GAB3: variants seen among roughly 807,000 people sequenced by gnomAD.
The protein encoded by GAB3 is GRB2-associated-binding protein 3.
In GAB3, 12 loss-of-function variants were observed where a neutral mutation model predicts 40.4. That is an observed-to-expected ratio of 0.30 (90% CI 0.19 to 0.48). The LOEUF is 0.48. Ranked by LOEUF, GAB3 falls within the 20% of genes least tolerant of loss-of-function variation. The probability of loss-of-function intolerance (pLI) is 0.99; values close to 1 mark genes in which losing one functional copy is unlikely to be tolerated. For synonymous variants in GAB3, 154 were observed against 176.7 expected (o/e 0.87, Z 1.02); for missense variants, 381 against 461.9 (o/e 0.82, Z 1.61).
rs201539556 is a variant in GAB3, at chrX:154,712,362, G to C, written c.936C>G (p.Pro312=). ...DIMSNTPPPR[P]PKPSHLSERR... ...GTTCAGACAGATGGCTTGGCTTAGG[G>C]GGGCGGGGAGGTGGAGTGTTGGACA... Residue 312 remains proline (P), a synonymous_variant, in exon 4 of 10, where the codon CCC becomes CCG. Coordinates refer to ENST00000424127, the MANE Select transcript of GAB3 (RefSeq NM_001081573.3). The C allele has an allele frequency of 1.7e-6, 2 of 1,209,903 alleles. No homozygotes were observed. The highest frequency in any genetic ancestry group is 2.2e-6 in the Non-Finnish European group (2 of 894,980).
Position 154,704,350 on chromosome X carries a change from G to T in GAB3, c.1070-4291C>A, listed in dbSNP as rs72616482. ...ACCTAATATTTGACCACACAACAGG[G>T]TGACTATAGTCAATAATAACTTAAT... On this transcript the variant is annotated intron_variant, in intron 4 of 9. Coordinates refer to ENST00000424127, the MANE Select transcript of GAB3 (RefSeq NM_001081573.3). Among the ~76,000 whole-genome samples, 353 of 111,076 alleles carry T rather than the reference G, an allele frequency of 3.2e-3. 8 individuals are homozygous for T. In the East Asian group the frequency reaches 0.093, roughly 29 times the overall value.
chrX:154,744,897 T>A (rs1421911536), intron 1 of GAB3, among the ~76,000 whole-genome samples: 2 of 112,613 alleles, frequency 1.8e-5, no homozygotes, highest in Non-Finnish European at 3.8e-5. Context: ...GAAATTCCAA[T>A]ATTGGGAAAT....
intron 4 of GAB3, among the ~76,000 whole-genome samples, chrX:154,709,407 GCCTCCCAGGTTCAA>G (rs2070882019): frequency 9.5e-6 from 1 of 105,336 alleles, no homozygotes; most frequent in Non-Finnish European, 1.9e-5. Flanking sequence ...TGCAAACTCT[GCCTCCCAGGTTCAA>G]GCGATTCTCC....
intron 1 of GAB3, among the ~76,000 whole-genome samples, chrX:154,748,874 C>T (rs1557262352): frequency 8.9e-6 from 1 of 112,038 alleles, no homozygotes; most frequent in Non-Finnish European, 1.9e-5. Flanking sequence ...TGTAACAGCC[C>T]TATCCAGGCC....
At chrX:154,722,580 A>G (rs1190253756) in intron 1 of GAB3, among the ~76,000 whole-genome samples, 2 of 112,423 alleles carry the variant, frequency 1.8e-5, no homozygotes, top group African/African-American at 6.5e-5. Flanking sequence ...CAAATTATAT[A>G]CAATAAAATT....
chrX:154,723,994 T>C (rs1246970561), intron 1 of GAB3, among the ~76,000 whole-genome samples: 1 of 111,681 alleles, frequency 9.0e-6, no homozygotes, highest in African/African-American at 3.3e-5. Flanking sequence ...TATGGTATGA[T>C]TGTAGTGAAC....
rs201582710 is a variant in GAB3 at position 154,746,052 on chromosome X, CA to C, written c.72+4901del. 8.7e-3 allele frequency among the ~76,000 whole-genome samples: 273 copies of C among 31,519 alleles called. 1 individual carries two copies. Among genetic ancestry groups the C allele is most frequent in the Admixed American group, 0.018 (48 of 2,596 alleles). 27.4% of individuals were successfully genotyped at this position (31,519 alleles called of 115,157 possible). Reference sequence around the variant, plus strand: ...GGGTGACAAGAGTGAAACTCCATCTCAAAAAAAAAAAAAAAAAAAAGAAAGA... The same window carrying C: ...GGGTGACAAGAGTGAAACTCCATCTCAAAAAAAAAAAAAAAAAAAGAAAGA... On this transcript the variant is annotated intron_variant, in intron 1 of 9. Coordinates refer to ENST00000424127, the MANE Select transcript of GAB3 (RefSeq NM_001081573.3).
chrX:154,697,462 C>T (rs140691297), intron 6 of GAB3, among the ~76,000 whole-genome samples: 1,314 of 111,920 alleles, frequency 0.012, 26 homozygotes, highest in African/African-American at 0.039. Flanking sequence ...CTGTATATCA[C>T]GCGTGCTTCT....
At chrX:154,687,981 G>C (rs2070484821) in intron 8 of GAB3, among the ~76,000 whole-genome samples, 1 of 111,951 alleles carries the variant, frequency 8.9e-6, no homozygotes, top group Non-Finnish European at 1.9e-5. Flanking sequence ...CAAAATGTCA[G>C]CTTCGACTTC....
At chrX:154,740,180 C>T (rs782634686) in intron 1 of GAB3, among the ~76,000 whole-genome samples, 1 of 111,549 alleles carries the variant, frequency 9.0e-6, no homozygotes, top group Non-Finnish European at 1.9e-5. Flanking sequence ...AGATATTTAC[C>T]ACAGTATTGT....
At chrX:154,710,063 TCAGTA>T (rs1348953981) in intron 4 of GAB3, among the ~76,000 whole-genome samples, 1 of 110,955 alleles carries the variant, frequency 9.0e-6, no homozygotes, top group Non-Finnish European at 1.9e-5. Context: ...ATTGTAATAA[TCAGTA>T]CATAATGCAT....
intron 8 of GAB3, among the ~76,000 whole-genome samples, chrX:154,685,868 A>G (rs1038219697): frequency 8.9e-6 from 1 of 112,154 alleles, no homozygotes; most frequent in Non-Finnish European, 1.9e-5. Flanking sequence ...CATATGGGGA[A>G]AAATGAGTCT....
At position 154,712,621 on chromosome X, in the gene GAB3, C is replaced by T. The variant is rs1557256503; in HGVS notation, c.677G>A (p.Cys226Tyr). 5 of 1,139,991 alleles carry T rather than the reference C, an allele frequency of 4.4e-6. No homozygotes were observed. Among genetic ancestry groups the T allele is most frequent in the Non-Finnish European group, 5.8e-6 (5 of 861,867 alleles). The allele number at this position is 1,139,991 out of a possible 1,213,427, so 93.9% of individuals were successfully genotyped here. ...QASFDDVFVD[C>Y]LQPLPSSHLV... The stretch of plus-strand genomic sequence containing the variant: ...ATGACTGGAGGGGAGCGGCTGCAGG[C>T]AGTCAACAAAAACATCATCAAATGA... Residue 226 changes from cysteine to tyrosine, a missense_variant, in exon 4 of 10, where the codon TGC (cysteine) becomes TAC (tyrosine). Coordinates refer to ENST00000424127, the MANE Select transcript of GAB3 (RefSeq NM_001081573.3).
chrX:154,723,969 C>G, intron 1 of GAB3, among the ~76,000 whole-genome samples: 1 of 111,772 alleles, frequency 8.9e-6, no homozygotes, highest in East Asian at 2.8e-4. Flanking sequence ...ATAGTAAACC[C>G]TGGCCTGTCA....
chrX:154,743,799 A>G (rs2071482342), intron 1 of GAB3, among the ~76,000 whole-genome samples: 1 of 112,200 alleles, frequency 8.9e-6, no homozygotes, highest in Non-Finnish European at 1.9e-5. Context: ...GAAGGCAGAA[A>G]CTGAGGAGAA....
intron 1 of GAB3, among the ~76,000 whole-genome samples, chrX:154,738,790 A>T (rs1273128229): frequency 8.9e-6 from 1 of 112,258 alleles, no homozygotes; most frequent in Non-Finnish European, 1.9e-5. Context: ...AGATTTTTTT[A>T]AAAAGGATAT....
chrX:154,746,995 C>T (rs2071538497), intron 1 of GAB3, among the ~76,000 whole-genome samples: 1 of 112,505 alleles, frequency 8.9e-6, no homozygotes, highest in Admixed American at 9.4e-5. Flanking sequence ...AGAAATAGAT[C>T]TACATGGATA....
intron 1 of GAB3, among the ~76,000 whole-genome samples, chrX:154,727,637 C>A (rs2071231712): frequency 8.9e-6 from 1 of 112,206 alleles, no homozygotes; most frequent in South Asian, 3.7e-4. Context: ...TTATAGCAAA[C>A]CTAATCACCA....
chrX:154,704,985 C>T lies in GAB3; in HGVS notation c.1070-4926G>A, dbSNP rs192371626. On this transcript the variant is annotated intron_variant, in intron 4 of 9. Coordinates refer to ENST00000424127, the MANE Select transcript of GAB3 (RefSeq NM_001081573.3). ...AAAGTAAAGCCCAGAAACTTGATGG[C>T]TTTACTGCTGAATTCTACCAAACAT... Among the ~76,000 whole-genome samples the T allele has an allele frequency of 8.5e-4, 95 of 111,223 alleles. 1 individual carries two copies. Among genetic ancestry groups the T allele is most frequent in the Middle Eastern group, 4.6e-3 (1 of 217 alleles).
Sources: gnomAD v4.1 joint callset for allele counts (sites outside exome capture counted in the v4.1 genomes callset) on GRCh38, gnomAD v4.1.1 for gene constraint, MANE v1.5 for transcripts, NCBI Gene and HGNC (gene_info 2026-07-23, HGNC 2026-07-21) for gene names.